CACNA1C: variants seen among roughly 807,000 people sequenced by gnomAD.
CACNA1C encodes voltage-dependent L-type calcium channel subunit alpha-1C.
Under a neutral mutation model 229.0 loss-of-function variants are expected in CACNA1C, and 30 were observed. That is an observed-to-expected ratio of 0.13 (90% confidence interval 0.10 to 0.18). CACNA1C has a LOEUF of 0.18. Among genes scored for constraint, CACNA1C ranks in the 10% least tolerant of loss-of-function variants. The pLI, the probability that CACNA1C is intolerant of heterozygous loss-of-function variation, is 1.00. For synonymous variants in CACNA1C, 1,114 were observed against 1,132.5 expected (o/e 0.98, Z 0.33); for missense variants, 1,658 against 2,845.0 (o/e 0.58, Z 9.49).
intron 3 of CACNA1C, among the ~76,000 whole-genome samples, chr12:2,193,345 C>T (rs1223562161): frequency 6.6e-6 from 1 of 152,144 alleles, no homozygotes; most frequent in African/African-American, 2.4e-5. Context: ...ATCCCAGCTA[C>T]TTGGGAGGCT....
intron 18 of CACNA1C, among the ~76,000 whole-genome samples, chr12:2,589,705 G>A (rs1205191519): frequency 2.6e-5 from 4 of 152,068 alleles, no homozygotes; most frequent in East Asian, 1.9e-4. Context: ...CCCTCTGAGC[G>A]GTGTGAATAA....
chr12:2,382,829 A>G (rs1158623020), intron 3 of CACNA1C, among the ~76,000 whole-genome samples: 1 of 152,222 alleles, frequency 6.6e-6, no homozygotes, highest in Non-Finnish European at 1.5e-5. Context: ...GACTTAGAAT[A>G]GAGCTCATCC....
intron 3 of CACNA1C, among the ~76,000 whole-genome samples, chr12:2,303,137 T>C (rs1430901020): frequency 6.6e-6 from 1 of 152,212 alleles, no homozygotes; most frequent in Non-Finnish European, 1.5e-5. Flanking sequence ...GAGCCGCTAG[T>C]ATGGACTCGT....
At chr12:2,052,893 C>CCGGGCGGG (rs530020760), upstream of CACNA1C, 1,522 of 733,896 alleles carry the variant, frequency 2.1e-3, 11 homozygotes, top group African/African-American at 0.023. Flanking sequence ...CTCCGGCGCG[C>CCGGGCGGG]CGGGCGGGCG....
chr12:2,379,030 C>G (rs565708882), intron 3 of CACNA1C, among the ~76,000 whole-genome samples: 7 of 152,232 alleles, frequency 4.6e-5, no homozygotes, highest in African/African-American at 1.7e-4. Flanking sequence ...ATACTGTTTT[C>G]TTTTTGTTGT....
chr12:2,439,485 G>A (rs1053074706), intron 3 of CACNA1C, among the ~76,000 whole-genome samples: 2 of 152,174 alleles, frequency 1.3e-5, no homozygotes, highest in South Asian at 4.1e-4. Flanking sequence ...GGCAGTGGAA[G>A]TGAAGAGCCC....
intron 3 of CACNA1C, among the ~76,000 whole-genome samples, chr12:2,214,876 T>C (rs7957545): frequency 0.42 from 62,972 of 150,154 alleles, 13,705 homozygotes; most frequent in African/African-American, 0.53. Context: ...TGCTTCTTTA[T>C]CTAGAAAATG....
chr12:2,567,803 C>T lies in CACNA1C; in HGVS notation c.1895+9C>T. ...ATTTTCAAGATCACGAGGTACTGGG[C>T]TCCCCCTCTCACTTTGAAGAGGGGA... is the stretch of plus-strand genomic sequence containing the variant. On this transcript the variant is annotated intron_variant, in intron 13 of 46. Transcript: ENST00000399655. The T allele has an allele frequency of 6.5e-7, 1 of 1,548,744 alleles. No homozygotes were observed. The highest frequency in any genetic ancestry group is 1.1e-5 in the South Asian group (1 of 88,478).
At chr12:2,330,262 C>T (rs1435527846) in intron 3 of CACNA1C, among the ~76,000 whole-genome samples, 1 of 152,174 alleles carries the variant, frequency 6.6e-6, no homozygotes, top group African/African-American at 2.4e-5. Context: ...GGAAGACCTG[C>T]GTTCTCGTAG....
At chr12:2,617,885 T>C (rs2081405294) in intron 29 of CACNA1C, among the ~76,000 whole-genome samples, 1 of 152,238 alleles carries the variant, frequency 6.6e-6, no homozygotes, top group African/African-American at 2.4e-5. Flanking sequence ...AACAGCCCAG[T>C]TTCTCATCTA....
chr12:2,004,427 GCCATCTTC>G, intron 1 of CACNA1C: 1 of 1,608,740 alleles, frequency 6.2e-7, no homozygotes, highest in Non-Finnish European at 8.5e-7. Context: ...CGCCACGGCT[GCCATCTTC>G]CCTCCCTCCC....
chr12:2,089,093 CT>C (rs949303511), intron 1 of CACNA1C, among the ~76,000 whole-genome samples: 73 of 152,244 alleles, frequency 4.8e-4, no homozygotes, highest in African/African-American at 1.7e-3. Context: ...GCTTTTACTG[CT>C]GATTCTGTGC....
At chr12:2,514,525 G>A (rs1326924315) in intron 9 of CACNA1C, among the ~76,000 whole-genome samples, 3 of 152,170 alleles carry the variant, frequency 2.0e-5, no homozygotes, top group Non-Finnish European at 2.9e-5. Context: ...TGATGGAACT[G>A]AGGAGTAGTT....
chr12:2,088,523 G>A, intron 1 of CACNA1C, among the ~76,000 whole-genome samples: 1 of 152,170 alleles, frequency 6.6e-6, no homozygotes, highest in Non-Finnish European at 1.5e-5. Context: ...TACCTTATGG[G>A]GGTGCTGAGA....
At chr12:2,368,204 A>G (rs557937401) in intron 3 of CACNA1C, among the ~76,000 whole-genome samples, 2 of 152,374 alleles carry the variant, frequency 1.3e-5, no homozygotes, top group South Asian at 4.1e-4. Flanking sequence ...CTAACAGCAA[A>G]CATTTAGTGA....
intron 3 of CACNA1C, among the ~76,000 whole-genome samples, chr12:2,169,849 C>T (rs1193027806): frequency 6.6e-6 from 1 of 152,180 alleles, no homozygotes; most frequent in Non-Finnish European, 1.5e-5. Flanking sequence ...CAGAATTCTC[C>T]TATTTGTGAA....
At chr12:2,350,010 C>T (rs1432009252) in intron 3 of CACNA1C, among the ~76,000 whole-genome samples, 5 of 152,162 alleles carry the variant, frequency 3.3e-5, no homozygotes, top group East Asian at 1.9e-4. Context: ...CCAGCATTCA[C>T]GAAAGGTTTC....
intron 3 of CACNA1C, among the ~76,000 whole-genome samples, chr12:2,310,613 A>G (rs1431153193): frequency 1.3e-5 from 2 of 152,132 alleles, no homozygotes; most frequent in Non-Finnish European, 1.5e-5. Flanking sequence ...GGAAACAACA[A>G]GGTAGGTAAC....
chr12:2,100,636 A>G (rs1595845077), intron 1 of CACNA1C, among the ~76,000 whole-genome samples: 1 of 150,046 alleles, frequency 6.7e-6, no homozygotes, highest in African/African-American at 2.5e-5. Flanking sequence ...TCATGCCTGT[A>G]GTCCCAGCTA....
Sources: allele counts gnomAD v4.1 joint callset (sites outside exome capture counted in the v4.1 genomes callset), GRCh38; gene constraint gnomAD v4.1.1; transcripts MANE v1.5; gene names NCBI Gene and HGNC (gene_info 2026-07-23, HGNC 2026-07-21).